PCDHGA5: variants seen among roughly 807,000 people sequenced by gnomAD.
PCDHGA5 encodes the protein protocadherin gamma-A5.
Under a neutral mutation model 56.7 loss-of-function variants are expected in PCDHGA5, and 36 were observed. The observed-to-expected ratio is 0.64, with a 90% CI of 0.49 to 0.84. The LOEUF (loss-of-function observed/expected upper bound fraction) is 0.84, where lower values mean the gene tolerates loss of function less well. Among genes scored for constraint, PCDHGA5 ranks in the 40% least tolerant of loss-of-function variants. The probability of loss-of-function intolerance (pLI) is 0.00; values close to 1 mark genes in which losing one functional copy is unlikely to be tolerated. For synonymous variants in PCDHGA5, 563 were observed against 520.2 expected (o/e 1.08, Z -1.12); for missense variants, 1,305 against 1,201.5 (o/e 1.09, Z -1.27).
At chr5:141,433,349 T>C in intron 1 of PCDHGA5, 1 of 616,610 alleles carries the variant, frequency 1.6e-6, no homozygotes, top group East Asian at 2.8e-5. Flanking sequence ...GCAAGCCACC[T>C]ACTGTCTGCC....
At chr5:141,433,397 A>C (rs189987785) in intron 1 of PCDHGA5, among the ~76,000 whole-genome samples, 2 of 150,410 alleles carry the variant, frequency 1.3e-5, no homozygotes, top group African/African-American at 4.9e-5. Context: ...CTATCTATCT[A>C]TCTATCTATT....
chr5:141,481,724 C>T (rs1301509633), intron 1 of PCDHGA5, among the ~76,000 whole-genome samples: 2 of 151,882 alleles, frequency 1.3e-5, no homozygotes. Context: ...GAGGCGGAGG[C>T]GGGCGGATCA....
intron 1 of PCDHGA5, chr5:141,383,229 G>A: frequency 6.2e-7 from 1 of 1,613,958 alleles, no homozygotes. Flanking sequence ...ACATCCTGAT[G>A]GAAGATAAAA....
intron 1 of PCDHGA5, chr5:141,411,324 C>T (rs1171274674): frequency 1.3e-5 from 2 of 152,166 alleles, no homozygotes; most frequent in Admixed American, 6.5e-5. Context: ...AATCACAGCA[C>T]TTTGATAGGC....
intron 2 of PCDHGA5, among the ~76,000 whole-genome samples, chr5:141,503,239 C>G (rs1364808315): frequency 6.6e-6 from 1 of 152,088 alleles, no homozygotes; most frequent in Non-Finnish European, 1.5e-5. Flanking sequence ...TGGACAGTTT[C>G]TATCATACTC....
chr5:141,393,127 A>T (rs766823317), intron 1 of PCDHGA5: 14 of 1,613,320 alleles, frequency 8.7e-6, no homozygotes, highest in Non-Finnish European at 1.2e-5. Flanking sequence ...TGTCTGATAA[A>T]TATTAACACC....
chr5:141,402,799 C>A (rs1248030162), intron 1 of PCDHGA5: 2 of 1,061,840 alleles, frequency 1.9e-6, no homozygotes, highest in Non-Finnish European at 2.6e-6. Flanking sequence ...TACACAAAAC[C>A]CGGCAGATAC....
chr5:141,427,428 T>C (rs1489623330), intron 1 of PCDHGA5: 3 of 470,472 alleles, frequency 6.4e-6, no homozygotes, highest in Admixed American at 4.7e-5. Context: ...GGAGGTTACA[T>C]GCCTCATAAA....
chr5:141,443,244 G>A (rs1277982376), intron 1 of PCDHGA5, among the ~76,000 whole-genome samples: 4 of 151,542 alleles, frequency 2.6e-5, no homozygotes, highest in African/African-American at 9.7e-5. Flanking sequence ...ACTTTGGGGC[G>A]CCAAGGCGGG....
At chr5:141,414,106 C>G (rs1424739885) in intron 1 of PCDHGA5, 2 of 1,592,536 alleles carry the variant, frequency 1.3e-6, no homozygotes, top group Non-Finnish European at 1.7e-6. Context: ...ATCAGAAAAT[C>G]TAGATTATGA....
intron 2 of PCDHGA5, among the ~76,000 whole-genome samples, chr5:141,496,468 C>T (rs1410143575): frequency 2.0e-5 from 3 of 152,126 alleles, no homozygotes; most frequent in Non-Finnish European, 4.4e-5. Context: ...AGTTATCTTT[C>T]CCCCATCCTG....
chr5:141,466,068 G>C (rs1278308918), intron 1 of PCDHGA5, among the ~76,000 whole-genome samples: 4 of 152,080 alleles, frequency 2.6e-5, no homozygotes, highest in Admixed American at 2.6e-4. Flanking sequence ...CTTGCAGTGA[G>C]CTGATATCAT....
rs374896827 is a variant in PCDHGA5 at position 141,366,348 on chromosome 5, C to A, written c.2018C>A (p.Ala673Asp). 54 of 1,613,830 alleles carry A rather than the reference C, an allele frequency of 3.3e-5. No individual in the cohort carries two copies. In the African/African-American group the frequency reaches 6.7e-4, roughly 20 times the overall value. Residue 673 changes from alanine (A) to aspartate (D), a missense_variant, in exon 1 of 4, where the codon GCT (alanine) becomes GAT (aspartate). Transcript: ENST00000518069. ...GCCGACAGGATCCCTGACATCCTGG[C>A]TGACCTAGGCAGTATCAAGACCCCC... ...AVADRIPDIL[A>D]DLGSIKTPID...
chr5:141,485,543 G>C lies in PCDHGA5; in HGVS notation c.2422-9264G>C. 1.9e-6 allele frequency: 3 copies of C among 1,614,092 alleles called. No homozygotes were observed. The highest frequency in any genetic ancestry group is 2.5e-6 in the Non-Finnish European group (3 of 1,179,972). On this transcript the variant is annotated intron_variant, in intron 1 of 3. Coordinates refer to ENST00000518069, the MANE Select transcript of PCDHGA5 (RefSeq NM_018918.3). This position sits in a 1 kb window ranked among gnomAD's most constrained non-coding sequence, Gnocchi z 5.7. Reference sequence around the variant, plus strand: ...AATGTACCGAGCAGAGGTAGAGATCGTAGATGTGAATGATCACGCCCCCCG... The same window carrying C: ...AATGTACCGAGCAGAGGTAGAGATCCTAGATGTGAATGATCACGCCCCCCG...
intron 1 of PCDHGA5, chr5:141,389,438 C>A (rs781427097): frequency 6.2e-7 from 1 of 1,610,474 alleles, no homozygotes; most frequent in Non-Finnish European, 8.5e-7. Context: ...AGCGCGCCTT[C>A]GACCACGAGC....
chr5:141,405,414 T>G, intron 1 of PCDHGA5: 3 of 1,562,312 alleles, frequency 1.9e-6, no homozygotes, highest in Non-Finnish European at 2.6e-6. Flanking sequence ...TTTCTTTTTT[T>G]GTTTTTTGTT....
chr5:141,377,925 G>A (rs1473713121), intron 1 of PCDHGA5: 1 of 152,134 alleles, frequency 6.6e-6, no homozygotes, highest in Non-Finnish European at 1.5e-5. Context: ...AAATCCACCT[G>A]TAACTGCTGC....
chr5:141,477,189 A>G lies in PCDHGA5; in HGVS notation c.2422-17618A>G, dbSNP rs377372902. ...CCGGAGATCACAGTCACCTCCGTGT[A>G]CAGCCCAGTACCCGAGGATGCCCCT... On this transcript the variant is annotated intron_variant, in intron 1 of 3. Coordinates refer to ENST00000518069, the MANE Select transcript of PCDHGA5 (RefSeq NM_018918.3). The surrounding 1 kb of genome is among the most constrained non-coding windows in gnomAD (Gnocchi z 4.9). 6.2e-7 allele frequency: 1 copy of G among 1,614,070 alleles called. No homozygotes were observed. The highest frequency in any genetic ancestry group is 8.5e-7 in the Non-Finnish European group (1 of 1,180,040).
chr5:141,371,918 C>T, intron 1 of PCDHGA5: 1 of 1,613,372 alleles, frequency 6.2e-7, no homozygotes, highest in African/African-American at 1.3e-5. Flanking sequence ...TGTCCGTGAG[C>T]GCGCGGAGCG....
Sources: allele counts gnomAD v4.1 joint callset (sites outside exome capture counted in the v4.1 genomes callset), GRCh38; gene constraint gnomAD v4.1.1; non-coding constraint Gnocchi (gnomAD v3.1); transcripts MANE v1.5; gene names NCBI Gene and HGNC (gene_info 2026-07-23, HGNC 2026-07-21).